The following MAPRE2 variants were observed in gnomAD, a reference collection of about 807,000 sequenced individuals.
MAPRE2 encodes microtubule associated protein RP/EB family member 2.
MAPRE2 carries 13 observed loss-of-function variants against 43.2 expected under a neutral mutation model. The ratio of observed to expected loss-of-function variants is 0.30; its 90% CI spans 0.20 to 0.48. The LOEUF (loss-of-function observed/expected upper bound fraction) is 0.48, where lower values mean the gene tolerates loss of function less well. Among genes scored for constraint, MAPRE2 ranks in the 20% least tolerant of loss-of-function variants. The probability of loss-of-function intolerance (pLI) is 0.99; values close to 1 mark genes in which losing one functional copy is unlikely to be tolerated. For missense variants in MAPRE2, 161 were observed against 400.2 expected (o/e 0.40, Z 5.10); for synonymous variants, 135 against 148.8 (o/e 0.91, Z 0.68).
intron 2 of MAPRE2, among the ~76,000 whole-genome samples, chr18:35,006,589 GAAGTTGTCTTGATATTAAA>G (rs1465277298): frequency 2.0e-5 from 3 of 152,186 alleles, no homozygotes; most frequent in African/African-American, 7.2e-5. Flanking sequence ...AGCATTTTAA[GAAGTTGTCTTGATATTAAA>G]ATTTGCAGGT....
At chr18:35,075,880 T>G (rs190620124) in intron 2 of MAPRE2, among the ~76,000 whole-genome samples, 1 of 152,088 alleles carries the variant, frequency 6.6e-6, no homozygotes, top group African/African-American at 2.4e-5. Context: ...GAGTTTATTT[T>G]TGGAGCAGGA....
chr18:35,129,311 G>T (rs1910044981), intron 5 of MAPRE2, among the ~76,000 whole-genome samples: 1 of 152,156 alleles, frequency 6.6e-6, no homozygotes, highest in African/African-American at 2.4e-5. Context: ...CCTGGTAGGG[G>T]GCCCCACAGG....
In MAPRE2 at chr18:35,070,396, A is replaced by G. The variant is rs1907049181; in HGVS notation, c.250+74A>G. On this transcript the variant is annotated intron_variant, in intron 2 of 6. Coordinates refer to ENST00000300249, the MANE Select transcript of MAPRE2 (RefSeq NM_014268.4). Reference sequence around the variant, plus strand: ...TGTGGAATGTGATTTTATGAACCACAGCTGCTATATTTTGGGTAGGAAAAA... The same window carrying G: ...TGTGGAATGTGATTTTATGAACCACGGCTGCTATATTTTGGGTAGGAAAAA... The G allele has an allele frequency of 4.5e-6, 6 of 1,337,108 alleles. No homozygotes were observed. In the South Asian group the frequency reaches 1.1e-4, roughly 24 times the overall value. The allele number at this position is 1,337,108 out of a possible 1,614,324, so 82.8% of individuals were successfully genotyped here.
At chr18:34,981,869 T>A (rs1220867465) in intron 1 of MAPRE2, among the ~76,000 whole-genome samples, 10 of 39,688 alleles carry the variant, frequency 2.5e-4, no homozygotes, top group East Asian at 7.0e-3. Flanking sequence ...TATTTATTTT[T>A]TTTTTTTATT....
intron 1 of MAPRE2, among the ~76,000 whole-genome samples, chr18:34,981,864 A>ATTTTTTTTTTTAT (rs2097016387): frequency 1.4e-5 from 1 of 74,054 alleles, no homozygotes; most frequent in African/African-American, 3.3e-5. Flanking sequence ...GACTTTATTT[A>ATTTTTTTTTTTAT]TTTTTTTTTT....
At chr18:35,110,668 A>AT (rs1428351022) in intron 4 of MAPRE2, among the ~76,000 whole-genome samples, 2 of 152,066 alleles carry the variant, frequency 1.3e-5, no homozygotes, top group Non-Finnish European at 2.9e-5. Flanking sequence ...TTTTCTGTAA[A>AT]TGTCTTTATT....
rs763778170 is a variant in MAPRE2 at position 35,127,024 on chromosome 18, C to T, written c.687C>T (p.Ser229=). The change falls in exon 5 of 7, where the codon TCC becomes TCT. Residue 229 remains serine (S), a synonymous_variant. Coordinates refer to ENST00000300249, the MANE Select transcript of MAPRE2 (RefSeq NM_014268.4). ...SRPSSAKRAS[S]SGSASKSDKD... is the part of the protein sequence containing the mutation. Reference sequence around the variant, plus strand: ...CCTCATCAGCCAAAAGGGCTTCTTCCAGTGGCTCAGCATCCAAATCCGATA... The same window carrying T: ...CCTCATCAGCCAAAAGGGCTTCTTCTAGTGGCTCAGCATCCAAATCCGATA... 4 of 1,614,170 alleles carry T rather than the reference C, an allele frequency of 2.5e-6. No individual in the cohort carries two copies. The highest frequency in any genetic ancestry group is 2.2e-5 in the South Asian group (2 of 91,082).
At chr18:35,138,014 T>C (rs1330957946) in intron 6 of MAPRE2, among the ~76,000 whole-genome samples, 1 of 152,206 alleles carries the variant, frequency 6.6e-6, no homozygotes, top group Non-Finnish European at 1.5e-5. Flanking sequence ...TAACTGTTTC[T>C]TGTCCTGCGC....
At chr18:34,982,056 T>C (rs2097016695) in intron 1 of MAPRE2, among the ~76,000 whole-genome samples, 1 of 151,722 alleles carries the variant, frequency 6.6e-6, no homozygotes, top group South Asian at 2.1e-4. Context: ...GCTAATTTTA[T>C]GTATTTTTAG....
intron 2 of MAPRE2, among the ~76,000 whole-genome samples, chr18:35,012,739 A>G (rs962965946): frequency 6.6e-6 from 1 of 152,308 alleles, no homozygotes; most frequent in African/African-American, 2.4e-5. Context: ...TCAGGGGCTG[A>G]CAGGAGGGGG....
chr18:35,046,384 GA>G (rs1211757566), intron 1 of MAPRE2, among the ~76,000 whole-genome samples: 2 of 152,064 alleles, frequency 1.3e-5, no homozygotes, highest in African/African-American at 2.4e-5. Context: ...CCCAAAGGGG[GA>G]AAAAAAGTTT....
At chr18:35,063,260 C>T (rs138430743) in intron 1 of MAPRE2, among the ~76,000 whole-genome samples, 2,019 of 152,180 alleles carry the variant, frequency 0.013, 28 homozygotes, top group Middle Eastern at 0.024. Context: ...CACACCACCA[C>T]GCCTGGCTAA....
chr18:35,049,799 A>T lies in MAPRE2; in HGVS notation c.122+8138A>T, dbSNP rs1053166059. 3.4e-4 allele frequency among the ~76,000 whole-genome samples: 52 copies of T among 152,318 alleles called. 1 individual carries two copies. Among genetic ancestry groups the T allele is most frequent in the African/African-American group, 9.9e-4 (41 of 41,572 alleles). ...CCTATAATTTTCAAAAGCTTTCAGA[A>T]ATGTAGCGTGTAAGTAAAAATGTGT... is the stretch of plus-strand genomic sequence containing the variant. On this transcript the variant is annotated intron_variant, in intron 1 of 6. Coordinates refer to ENST00000300249, the MANE Select transcript of MAPRE2 (RefSeq NM_014268.4).
intron 1 of MAPRE2, among the ~76,000 whole-genome samples, chr18:35,047,368 A>G (rs1019888477): frequency 1.3e-5 from 2 of 152,152 alleles, no homozygotes; most frequent in Non-Finnish European, 2.9e-5. Context: ...CACTATTCCA[A>G]CAGCCCTTTT....
intron 1 of MAPRE2, among the ~76,000 whole-genome samples, chr18:35,048,418 ATGTG>A (rs888675912): frequency 6.6e-6 from 1 of 151,308 alleles, no homozygotes; most frequent in Admixed American, 6.6e-5. Flanking sequence ...TATACTATAT[ATGTG>A]TGTGTGTGTG....
At chr18:35,008,376 T>G (rs2097032814) in intron 2 of MAPRE2, among the ~76,000 whole-genome samples, 1 of 152,278 alleles carries the variant, frequency 6.6e-6, no homozygotes, top group Admixed American at 6.5e-5. Context: ...ATAATACACT[T>G]AAAGAAAACC....
intron 1 of MAPRE2, among the ~76,000 whole-genome samples, chr18:35,002,826 T>A (rs1461839935): frequency 6.6e-6 from 1 of 152,228 alleles, no homozygotes; most frequent in Non-Finnish European, 1.5e-5. Context: ...GTTATTGGGC[T>A]TGCAAATACT....
intron 2 of MAPRE2, among the ~76,000 whole-genome samples, chr18:35,011,236 G>T (rs767364878): frequency 1.3e-5 from 2 of 152,180 alleles, no homozygotes; most frequent in African/African-American, 2.4e-5. Flanking sequence ...GCAGAGGCCA[G>T]ACAAGGCTTC....
At chr18:35,063,975 A>G (rs1291741016) in intron 1 of MAPRE2, among the ~76,000 whole-genome samples, 1 of 130,744 alleles carries the variant, frequency 7.6e-6, no homozygotes, top group East Asian at 2.5e-4. Context: ...TCCAGCCTGG[A>G]CTGCCGAGTG....
Sources: gnomAD v4.1 joint callset for allele counts (sites outside exome capture counted in the v4.1 genomes callset) on GRCh38, gnomAD v4.1.1 for gene constraint, MANE v1.5 for transcripts, NCBI Gene and HGNC (gene_info 2026-07-23, HGNC 2026-07-21) for gene names.